Variants in LIMS2 observed in about 807,000 individuals in gnomAD.
LIMS2 encodes the protein LIM and senescent cell antigen-like-containing domain protein 2.
Under a neutral mutation model 45.3 loss-of-function variants are expected in LIMS2, and 30 were observed. The observed-to-expected ratio is 0.66, with a 90% CI of 0.50 to 0.90. The LOEUF is 0.90. LIMS2 is among the 40% of genes least tolerant of loss of function. The pLI is 0.00. For synonymous variants in LIMS2, 173 were observed against 188.0 expected (o/e 0.92, Z 0.65); for missense variants, 485 against 468.7 (o/e 1.03, Z -0.32).
upstream of LIMS2, among the ~76,000 whole-genome samples, chr2:127,679,479 CAG>C (rs1364240704): frequency 6.6e-6 from 1 of 152,062 alleles, no homozygotes; most frequent in Non-Finnish European, 1.5e-5. This position sits in a 1 kb window ranked among gnomAD's most constrained non-coding sequence, Gnocchi z 5.3. Context: ...GGCTGGGCCA[CAG>C]AGTGACATGA....
chr2:127,679,987 C>T (rs887094874), upstream of LIMS2, among the ~76,000 whole-genome samples: 1 of 152,238 alleles, frequency 6.6e-6, no homozygotes, highest in African/African-American at 2.4e-5. This position sits in a 1 kb window ranked among gnomAD's most constrained non-coding sequence, Gnocchi z 5.3. Flanking sequence ...GACGGCCACT[C>T]TACAAGGCCT....
Position 127,653,544 on chromosome 2 carries a change from G to A in LIMS2, c.359+880C>T, listed in dbSNP as rs188370298. Among the ~76,000 whole-genome samples the A allele has an allele frequency of 6.0e-4, 91 of 152,278 alleles. No individual in the cohort carries two copies. The highest frequency in any genetic ancestry group is 2.0e-3 in the African/African-American group (85 of 41,544). ...AAGGGCAGCCATGAGGGCCGGGCAC[G>A]GAGCCCCAGACGACTCCCCATGGAG... On this transcript the variant is annotated intron_variant, in intron 4 of 9. Transcript: ENST00000355119. The surrounding 1 kb of genome is among the most constrained non-coding windows in gnomAD (Gnocchi z 5.3).
Position 127,642,986 on chromosome 2 carries a change from T to C in LIMS2, c.446A>G (p.Glu149Gly). 1 of 1,574,676 alleles carries C rather than the reference T, an allele frequency of 6.4e-7. No individual in the cohort carries two copies. The highest frequency in any genetic ancestry group is 2.3e-5 in the East Asian group (1 of 42,756). The change falls in exon 5 of 10, where the codon GAG (glutamate) becomes GGG (glycine). Residue 149 changes from glutamate to glycine, a missense_variant. Physicochemically the swap from Glu to Gly is moderately conservative, Grantham distance 98. Transcript: ENST00000355119. This position sits in a 1 kb window ranked among gnomAD's most constrained non-coding sequence, Gnocchi z 5.3. ...ICQRCHLVID[E>G]QPLMFRSDAY... ...GTCGCTCCTGAACATGAGGGGCTGC[T>C]CGTCGATGACCAGGTGGCACCGCTG... is the stretch of plus-strand genomic sequence containing the variant.
At chr2:127,640,465 G>A in intron 7 of LIMS2, 147 bp from the exon 8 acceptor site, 4 of 837,540 alleles carry the variant, frequency 4.8e-6, no homozygotes. Context: ...AGGCTGGGTT[G>A]AGGGCACGGC....
intron 4 of LIMS2, 90 bp downstream of exon 4, chr2:127,654,334 C>T: frequency 6.3e-7 from 1 of 1,579,818 alleles, no homozygotes; most frequent in Non-Finnish European, 8.7e-7. Context: ...CTTCTGCGCC[C>T]TCAGCAAGTG....
chr2:127,650,363 A>G, intron 4 of LIMS2: 1 of 536,012 alleles, frequency 1.9e-6, no homozygotes, highest in Admixed American at 3.5e-5. Flanking sequence ...GAGGCAGAAC[A>G]GAAAACCCAG....
intron 6 of LIMS2, 60 bp from the exon 7 acceptor site, chr2:127,641,048 A>G: frequency 7.1e-7 from 1 of 1,408,112 alleles, no homozygotes. Flanking sequence ...CCCGAGGGAC[A>G]GTGGTGACCC....
intron 9 of LIMS2, 99 bp from the exon 10 acceptor site, chr2:127,639,527 C>G: frequency 1.4e-6 from 2 of 1,445,004 alleles, no homozygotes; most frequent in Non-Finnish European, 1.9e-6. Context: ...CCAGCCTCCC[C>G]ACACCAGCCT....
chr2:127,640,119 A>C lies in LIMS2; in HGVS notation c.829T>G (p.Cys277Gly). The C allele has an allele frequency of 6.2e-7, 1 of 1,613,468 alleles. No homozygotes were observed. The highest frequency in any genetic ancestry group is 8.5e-7 in the Non-Finnish European group (1 of 1,179,998). The change falls in exon 9 of 10, where the codon TGT (cysteine) becomes GGT (glycine). Residue 277 changes from cysteine (C) to glycine (G), a missense_variant. Transcript: ENST00000355119. ...DVVSALNKAW[C>G]VSCFSCSTCN... is the part of the protein sequence containing the mutation. The stretch of plus-strand genomic sequence containing the variant: ...GTGGAGCAGGAGAAGCAGCTCACAC[A>C]CCAGGCCTTGTTGAGGGCCGACACC...
At chr2:127,652,177 G>C (rs982436690) in intron 4 of LIMS2, 8 of 227,966 alleles carry the variant, frequency 3.5e-5, no homozygotes, top group African/African-American at 1.8e-4. Context: ...AGTCCTGGTG[G>C]GGACGGGGAG....
chr2:127,673,680 C>T (rs778545843), intron 1 of LIMS2: 1 of 1,551,416 alleles, frequency 6.4e-7, no homozygotes, highest in Admixed American at 2.0e-5. Context: ...TCACCCACCT[C>T]CACCTCAATG....
chr2:127,675,979 A>G (rs1274274103), upstream of LIMS2, among the ~76,000 whole-genome samples: 1 of 152,262 alleles, frequency 6.6e-6, no homozygotes, highest in East Asian at 1.9e-4. Flanking sequence ...GGAACCAGGC[A>G]CGCCTCTGTA....
chr2:127,679,550 TC>T (rs1043175260), upstream of LIMS2, among the ~76,000 whole-genome samples: 1 of 151,992 alleles, frequency 6.6e-6, no homozygotes, highest in African/African-American at 2.4e-5. This position sits in a 1 kb window ranked among gnomAD's most constrained non-coding sequence, Gnocchi z 5.3. Flanking sequence ...CCTTCTGCCC[TC>T]TGGGGTTCAG....
Position 127,642,365 on chromosome 2 carries a change from C to G in LIMS2, c.510-166G>C. 1 of 719,572 alleles carries G rather than the reference C, an allele frequency of 1.4e-6. No individual in the cohort carries two copies. The highest frequency in any genetic ancestry group is 2.2e-6 in the Non-Finnish European group (1 of 461,806). 44.6% of individuals were successfully genotyped at this position (719,572 alleles called of 1,614,324 possible). ...CTGGGCACTTTGAAGACTTCCTGTGCCCCAGACAGGCCCTGGAGCACAGAC... is the reference window on the plus strand; with the variant it reads ...CTGGGCACTTTGAAGACTTCCTGTGGCCCAGACAGGCCCTGGAGCACAGAC... On this transcript the variant is annotated intron_variant, in intron 5 of 9. Coordinates refer to ENST00000355119, the MANE Select transcript of LIMS2 (RefSeq NM_001161403.3). This position sits in a 1 kb window ranked among gnomAD's most constrained non-coding sequence, Gnocchi z 5.3.
chr2:127,640,014 G>A (rs1558865586), intron 9 of LIMS2, 56 bp downstream of exon 9: 4 of 1,549,458 alleles, frequency 2.6e-6, no homozygotes, highest in Non-Finnish European at 3.6e-6. Flanking sequence ...CTGAGAGGAA[G>A]GACCTGCAGG....
At chr2:127,678,713 G>A (rs541157520), upstream of LIMS2, among the ~76,000 whole-genome samples, 8 of 152,286 alleles carry the variant, frequency 5.3e-5, no homozygotes, top group East Asian at 1.9e-4. This position sits in a 1 kb window ranked among gnomAD's most constrained non-coding sequence, Gnocchi z 5.3. Flanking sequence ...ATGTACAGCC[G>A]TGGGAGTCAA....
Position 127,654,318 on chromosome 2 carries a change from G to A in LIMS2, c.359+106C>T, listed in dbSNP as rs575161061. The A allele has an allele frequency of 1.3e-4, 199 of 1,494,076 alleles. 3 individuals are homozygous for A. The South Asian group carries it at 2.0e-3, about 15-fold the overall frequency. The allele number at this position is 1,494,076 out of a possible 1,614,324, so 92.6% of individuals were successfully genotyped here. A position where few individuals can be genotyped will look rare whatever the true frequency, so the allele number is the denominator to read the frequency against. ...CTACATCAGTGCAGGCTGCAGCACC[G>A]GGACCCTTCTGCGCCCTCAGCAAGT... On this transcript the variant is annotated intron_variant, in intron 4 of 9. Transcript: ENST00000355119.
intron 4 of LIMS2, chr2:127,648,194 C>G: frequency 1.0e-6 from 1 of 985,436 alleles, no homozygotes; most frequent in Non-Finnish European, 1.2e-6. Context: ...GGACTAAGAA[C>G]AGACCCTGTT....
intron 1 of LIMS2, chr2:127,681,196 T>G (rs978024386): frequency 4.6e-5 from 7 of 152,330 alleles, no homozygotes; most frequent in African/African-American, 7.2e-5. Flanking sequence ...CCAGGGCTGT[T>G]CCTTGACCCC....
Sources: gnomAD v4.1 joint callset for allele counts (sites outside exome capture counted in the v4.1 genomes callset) on GRCh38, gnomAD v4.1.1 for gene constraint, Gnocchi (gnomAD v3.1) non-coding constraint, MANE v1.5 for transcripts, NCBI Gene and HGNC (gene_info 2026-07-23, HGNC 2026-07-21) for gene names.